Variants in GTF2H3 observed in about 807,000 individuals in gnomAD.
GTF2H3 encodes TFIIH basal transcription factor complex p34 subunit.
Under a neutral mutation model 51.1 loss-of-function variants are expected in GTF2H3, and 42 were observed. That is an observed-to-expected ratio of 0.82 (90% CI 0.64 to 1.06). The LOEUF (loss-of-function observed/expected upper bound fraction) is 1.06. Ranked by LOEUF, GTF2H3 falls within the 50% of genes least tolerant of loss-of-function variation. GTF2H3 has a pLI of 0.00. For missense variants in GTF2H3, 326 were observed against 366.1 expected (o/e 0.89, Z 0.89); for synonymous variants, 123 against 123.8 (o/e 0.99, Z 0.04).
Position 123,660,080 on chromosome 12 carries a change from C to T in GTF2H3, c.855C>T (p.Cys285=), listed in dbSNP as rs1955638459. The T allele has an allele frequency of 2.5e-6, 4 of 1,607,358 alleles. No homozygotes were observed. The highest frequency in any genetic ancestry group is 2.2e-5 in the South Asian group (2 of 89,056). The change falls in exon 12 of 13, where the codon TGC becomes TGT. Residue 285 remains cysteine (C), a splice_region_variant and synonymous_variant. Coordinates refer to ENST00000543341, the MANE Select transcript of GTF2H3 (RefSeq NM_001516.5). ...ATTTCAGCCCCATTTGTACTACGTG[C>T]GAGTAAGTATCTTTGAGATTGTGTG... The part of the protein sequence containing the change: ...FCNFSPICTT[C]ETAFKISLPP...
rs544215306 is a variant in GTF2H3, at chr12:123,660,293, T to G, written c.*58T>G. On this transcript the variant is annotated 3_prime_UTR_variant, in exon 13 of 13. Transcript: ENST00000543341. ...TTAATAGAAATTATATAGCAGATTC[T>G]TTGTTGGGAAGACTGAAAAAAATAA... 14 of 1,250,852 alleles carry G rather than the reference T, an allele frequency of 1.1e-5. No individual in the cohort carries two copies. In the East Asian group the frequency reaches 3.3e-4, roughly 29 times the overall value. 77.5% of individuals were successfully genotyped at this position (1,250,852 alleles called of 1,614,324 possible). A position where few individuals can be genotyped will look rare whatever the true frequency, so the allele number is the denominator to read the frequency against.
chr12:123,643,562 G>C (rs1490536703), intron 2 of GTF2H3, among the ~76,000 whole-genome samples: 2 of 152,064 alleles, frequency 1.3e-5, no homozygotes, highest in Non-Finnish European at 2.9e-5. Context: ...ATCTCAATTT[G>C]CTTCCAGTGT....
chr12:123,659,985 A>C (rs1955636807), intron 11 of GTF2H3, 55 bp downstream of exon 11: 2 of 1,600,646 alleles, frequency 1.2e-6, no homozygotes, highest in South Asian at 2.3e-5. Context: ...GCAGGAAAAC[A>C]GTTTCTCAGC....
chr12:123,640,679 T>A (rs898269685), intron 2 of GTF2H3, among the ~76,000 whole-genome samples: 1 of 152,140 alleles, frequency 6.6e-6, no homozygotes, highest in East Asian at 1.9e-4. Flanking sequence ...TTTTCCACTT[T>A]TAAATGGTTT....
chr12:123,655,204 T>A (rs1955571919), intron 8 of GTF2H3, among the ~76,000 whole-genome samples: 2 of 152,200 alleles, frequency 1.3e-5, no homozygotes, highest in South Asian at 4.1e-4. Flanking sequence ...CAATATGCAC[T>A]CAACCACAGT....
intron 4 of GTF2H3, 149 bp downstream of exon 4, chr12:123,648,275 T>C: frequency 1.7e-6 from 1 of 572,404 alleles, no homozygotes; most frequent in Admixed American, 3.4e-5. Flanking sequence ...TGGTTCATTA[T>C]TTGCCTAGCC....
chr12:123,650,991 C>T lies in GTF2H3; in HGVS notation c.365-3C>T, dbSNP rs776997787. 3.9e-5 allele frequency: 62 copies of T among 1,605,744 alleles called. No homozygotes were observed. The Middle Eastern group carries it at 4.9e-4, about 13-fold the overall frequency. On this transcript the variant is annotated splice_region_variant and splice_polypyrimidine_tract_variant and intron_variant, in intron 4 of 12. Coordinates refer to ENST00000543341, the MANE Select transcript of GTF2H3 (RefSeq NM_001516.5). Reference sequence around the variant, plus strand: ...CCCTTTTAATGTTTTCTGTTATTTGCAGGTGACATAAAGGGTCAACATACA... The same window carrying T: ...CCCTTTTAATGTTTTCTGTTATTTGTAGGTGACATAAAGGGTCAACATACA...
In GTF2H3 at chr12:123,661,344, A is replaced by G. The variant is rs1955654178; in HGVS notation, c.*1109A>G. 6.6e-6 allele frequency: 1 copy of G among 152,010 alleles called. No individual in the cohort carries two copies. The highest frequency in any genetic ancestry group is 2.4e-5 in the African/African-American group (1 of 41,390). The allele number at this position is 152,010 out of a possible 1,614,324, so 9.4% of individuals were successfully genotyped here. A position where few individuals can be genotyped will look rare whatever the true frequency, so the allele number is the denominator to read the frequency against. ...GGTGGCTGGTTTGGTTTGTTTTTTA[A>G]AAATGTTTACTGACGAGGCCGGGCG... On this transcript the variant is annotated 3_prime_UTR_variant, in exon 13 of 13. Coordinates refer to ENST00000543341, the MANE Select transcript of GTF2H3 (RefSeq NM_001516.5).
intron 2 of GTF2H3, chr12:123,639,907 G>C (rs1257674943): frequency 2.5e-6 from 1 of 399,374 alleles, no homozygotes; most frequent in Non-Finnish European, 5.1e-6. Flanking sequence ...GCGTGTATGT[G>C]TGTGGTTCTG....
At chr12:123,640,170 G>A (rs1032960856) in intron 2 of GTF2H3, among the ~76,000 whole-genome samples, 10 of 152,000 alleles carry the variant, frequency 6.6e-5, no homozygotes, top group African/African-American at 2.2e-4. Context: ...GATTCTTCAT[G>A]TTTGTTCGTT....
rs777184142 is a variant in GTF2H3, at chr12:123,648,012, G to T, written c.250G>T (p.Asp84Tyr). 10 of 1,613,350 alleles carry T rather than the reference G, an allele frequency of 6.2e-6. No homozygotes were observed. Among genetic ancestry groups the T allele is most frequent in the East Asian group, 4.5e-5 (2 of 44,882 alleles). The change falls in exon 4 of 13, where the codon GAC becomes TAC. Residue 84 changes from aspartate (D) to tyrosine (Y), a missense_variant. Transcript: ENST00000543341. The part of the protein sequence containing the change: ...KNGRLGDFFG[D>Y]PGNPPEFNPS... ...TGGCAGACTTGGAGACTTCTTCGGA[G>T]ACCCTGGCAACCCTCCTGAATTTAA...
chr12:123,658,468 T>A (rs1054819424), intron 9 of GTF2H3, among the ~76,000 whole-genome samples: 5 of 152,172 alleles, frequency 3.3e-5, no homozygotes, highest in Non-Finnish European at 7.4e-5. Context: ...GATCCGCGAT[T>A]ACAGGCGTGA....
chr12:123,642,321 C>T (rs1224772108), intron 2 of GTF2H3, among the ~76,000 whole-genome samples: 1 of 152,078 alleles, frequency 6.6e-6, no homozygotes, highest in Non-Finnish European at 1.5e-5. Context: ...CAGGCATGCA[C>T]CACCACACCC....
At position 123,633,850 on chromosome 12, in the gene GTF2H3, T is replaced by G; in HGVS notation, c.-10T>G. ...CACCACTTGCTCTGCGCTGAGGTGC[T>G]GGGACAGCCATGGTTTCAGACGGTG... is the stretch of plus-strand genomic sequence containing the variant. On this transcript the variant is annotated 5_prime_UTR_variant, in exon 1 of 13. Coordinates refer to ENST00000543341, the MANE Select transcript of GTF2H3 (RefSeq NM_001516.5). The G allele has an allele frequency of 6.2e-7, 1 of 1,613,208 alleles. No homozygotes were observed. Among genetic ancestry groups the G allele is most frequent in the Non-Finnish European group, 8.5e-7 (1 of 1,179,992 alleles).
At chr12:123,650,320 C>T (rs575738787) in intron 4 of GTF2H3, 12 of 152,290 alleles carry the variant, frequency 7.9e-5, no homozygotes, top group African/African-American at 2.4e-4. Flanking sequence ...AAGAGCTTCT[C>T]CAGTCTTCCC....
chr12:123,637,235 A>G (rs939462006), intron 1 of GTF2H3, among the ~76,000 whole-genome samples: 2 of 152,092 alleles, frequency 1.3e-5, no homozygotes, highest in Non-Finnish European at 1.5e-5. Context: ...TGGTAGTGTG[A>G]AAGTTTGTTG....
chr12:123,654,168 GGT>G (rs1308726511), intron 7 of GTF2H3, among the ~76,000 whole-genome samples: 4 of 150,438 alleles, frequency 2.7e-5, no homozygotes, highest in Non-Finnish European at 4.4e-5. Flanking sequence ...GTGTGTTTTG[GGT>G]GTGTGTATGT....
intron 2 of GTF2H3, among the ~76,000 whole-genome samples, chr12:123,641,146 C>T (rs935722103): frequency 2.6e-5 from 4 of 151,282 alleles, no homozygotes; most frequent in African/African-American, 7.3e-5. Context: ...AGCAAGACCC[C>T]GTCTCAAAAA....
At chr12:123,636,665 C>T (rs1374247581) in intron 1 of GTF2H3, among the ~76,000 whole-genome samples, 1 of 152,208 alleles carries the variant, frequency 6.6e-6, no homozygotes, top group East Asian at 1.9e-4. Flanking sequence ...TGCCTGTAAT[C>T]CCAGCACTTT....
Sources: allele counts gnomAD v4.1 joint callset (sites outside exome capture counted in the v4.1 genomes callset), GRCh38; gene constraint gnomAD v4.1.1; transcripts MANE v1.5; gene names NCBI Gene and HGNC (gene_info 2026-07-23, HGNC 2026-07-21).